C8orf34: variants seen among roughly 807,000 people sequenced by gnomAD.
C8orf34 encodes the protein chromosome 8 open reading frame 34.
In C8orf34, 65 loss-of-function variants were observed where a neutral mutation model predicts 68.3. The ratio of observed to expected loss-of-function variants is 0.95; its 90% CI spans 0.78 to 1.17. The LOEUF (loss-of-function observed/expected upper bound fraction) is 1.17. Ranked by LOEUF, C8orf34 falls within the 50% of genes most tolerant of loss-of-function variation. The pLI is 0.00. For synonymous variants in C8orf34, 244 were observed against 241.2 expected (o/e 1.01, Z -0.11); for missense variants, 664 against 655.4 (o/e 1.01, Z -0.14).
At chr8:68,808,161 T>A (rs2953961) in intron 12 of C8orf34, among the ~76,000 whole-genome samples, 436 of 152,356 alleles carry the variant, frequency 2.9e-3, no homozygotes, top group Non-Finnish European at 5.0e-3. Flanking sequence ...ACTGCTTTGA[T>A]AGATGTTTGG....
At chr8:68,364,767 G>C (rs1410651106) in intron 1 of C8orf34, among the ~76,000 whole-genome samples, 1 of 145,246 alleles carries the variant, frequency 6.9e-6, no homozygotes, top group African/African-American at 2.5e-5. Context: ...GAAATTTATA[G>C]CACTAAATGC....
intron 12 of C8orf34, among the ~76,000 whole-genome samples, chr8:68,794,562 T>C (rs971158315): frequency 6.3e-5 from 9 of 143,056 alleles, no homozygotes; most frequent in African/African-American, 1.9e-4. Context: ...TGGACTGCAG[T>C]GGCACAATCA....
rs922172722 is a variant in C8orf34, at chr8:68,727,555, C to T, written c.1404+6118C>T. Among the ~76,000 whole-genome samples the T allele has an allele frequency of 8.5e-5, 13 of 152,358 alleles. No homozygotes were observed. The East Asian group carries it at 2.5e-3, about 29-fold the overall frequency. The stretch of plus-strand genomic sequence containing the variant: ...GCTCCACCCCTACATTTCCCTTCTG[C>T]ACTGCCCTAGCAGAGGTTCTCCATA... On this transcript the variant is annotated intron_variant, in intron 10 of 13. Coordinates refer to ENST00000518698, the MANE Select transcript of C8orf34 (RefSeq NM_052958.4).
intron 8 of C8orf34, among the ~76,000 whole-genome samples, chr8:68,654,617 T>C (rs778655164): frequency 6.6e-6 from 1 of 152,192 alleles, no homozygotes; most frequent in Non-Finnish European, 1.5e-5. Flanking sequence ...TCAAATATAT[T>C]GATTTACATA....
At chr8:68,637,954 G>A (rs1818894411) in intron 7 of C8orf34, among the ~76,000 whole-genome samples, 1 of 152,146 alleles carries the variant, frequency 6.6e-6, no homozygotes, top group African/African-American at 2.4e-5. Context: ...AAGTGATTAT[G>A]CTCTGATCCG....
chr8:68,453,623 T>G (rs888037349), intron 3 of C8orf34, among the ~76,000 whole-genome samples: 4 of 152,028 alleles, frequency 2.6e-5, no homozygotes, highest in African/African-American at 9.7e-5. Flanking sequence ...TTGATTTTAT[T>G]TCCCAAAATT....
At chr8:68,606,867 T>C (rs547731580) in intron 7 of C8orf34, among the ~76,000 whole-genome samples, 24 of 152,246 alleles carry the variant, frequency 1.6e-4, no homozygotes, top group Middle Eastern at 3.4e-3. Flanking sequence ...GGTTGGATTT[T>C]CCTTGTTTAT....
intron 12 of C8orf34, among the ~76,000 whole-genome samples, chr8:68,803,316 G>A (rs998476739): frequency 2.0e-5 from 3 of 151,942 alleles, no homozygotes; most frequent in Non-Finnish European, 4.4e-5. Flanking sequence ...CTACTACATT[G>A]AGTTTATTGC....
chr8:68,741,063 C>T (rs754172538), intron 10 of C8orf34, among the ~76,000 whole-genome samples: 2 of 151,982 alleles, frequency 1.3e-5, no homozygotes, highest in East Asian at 3.9e-4. Context: ...GGGAACAACA[C>T]TCACTGGGAC....
At chr8:68,665,034 T>C (rs1223352349) in intron 8 of C8orf34, among the ~76,000 whole-genome samples, 3 of 152,196 alleles carry the variant, frequency 2.0e-5, no homozygotes. Context: ...AGAAACAGGT[T>C]ATGTTGCAAA....
intron 4 of C8orf34, among the ~76,000 whole-genome samples, chr8:68,483,900 A>G (rs1812966244): frequency 6.6e-6 from 1 of 152,206 alleles, no homozygotes. Flanking sequence ...CTTCACTTCC[A>G]GGCAGCTCAC....
In C8orf34 at chr8:68,440,954, G is replaced by A. The variant is rs578173790; in HGVS notation, c.475+1308G>A. ...CGAGTAGCTGGAACTACAGGCACCC[G>A]CCACCATACCCAGCTAGTTTTTTGT... On this transcript the variant is annotated intron_variant, in intron 2 of 13. Coordinates refer to ENST00000518698, the MANE Select transcript of C8orf34 (RefSeq NM_052958.4). Among the ~76,000 whole-genome samples the A allele has an allele frequency of 4.5e-4, 68 of 151,996 alleles. 1 individual carries two copies. Among genetic ancestry groups the A allele is most frequent in the Non-Finnish European group, 2.2e-4 (15 of 67,974 alleles).
chr8:68,418,697 C>T (rs1237320284), intron 1 of C8orf34, among the ~76,000 whole-genome samples: 1 of 152,116 alleles, frequency 6.6e-6, no homozygotes, highest in Middle Eastern at 3.2e-3. Context: ...ACTATCTGAT[C>T]TTTGACAAAC....
chr8:68,543,929 TAAAC>T (rs1815784336), intron 7 of C8orf34, among the ~76,000 whole-genome samples: 2 of 152,096 alleles, frequency 1.3e-5, no homozygotes, highest in East Asian at 1.9e-4. Context: ...AGTAGGGAAA[TAAAC>T]AAGGTGAGCT....
rs576424954 is a variant in C8orf34 at position 68,433,431 on chromosome 8, A to G, written c.328-6068A>G. ...ATTGATTTAACAAAAAAGGCCATGT[A>G]GTAAAAACTTCCTGGGAATTTGGAA... On this transcript the variant is annotated intron_variant, in intron 1 of 13. Transcript: ENST00000518698. Among the ~76,000 whole-genome samples the G allele has an allele frequency of 1.6e-4, 25 of 152,344 alleles. No individual in the cohort carries two copies. In the South Asian group the frequency reaches 5.2e-3, roughly 32 times the overall value.
chr8:68,432,919 T>A (rs961232025), intron 1 of C8orf34, among the ~76,000 whole-genome samples: 1 of 151,954 alleles, frequency 6.6e-6, no homozygotes, highest in Non-Finnish European at 1.5e-5. Flanking sequence ...TCAAAAAAAA[T>A]AGAATGAGAG....
rs139074035 is a variant in C8orf34 at position 68,727,993 on chromosome 8, C to A, written c.1404+6556C>A. ...TTCTGCAGCCAACTTGAATTTCTCCCCAGAAAATGGGTTTTTATTTTCTAT... is the reference window on the plus strand; with the variant it reads ...TTCTGCAGCCAACTTGAATTTCTCCACAGAAAATGGGTTTTTATTTTCTAT... On this transcript the variant is annotated intron_variant, in intron 10 of 13. Coordinates refer to ENST00000518698, the MANE Select transcript of C8orf34 (RefSeq NM_052958.4). Among the ~76,000 whole-genome samples the A allele has an allele frequency of 5.5e-3, 843 of 152,306 alleles. 7 individuals carry two copies. The highest frequency in any genetic ancestry group is 0.02 in the African/African-American group (817 of 41,568).
intron 10 of C8orf34, among the ~76,000 whole-genome samples, chr8:68,760,099 T>G (rs572731097): frequency 2.6e-5 from 4 of 152,224 alleles, no homozygotes; most frequent in African/African-American, 7.2e-5. Flanking sequence ...CCTGGAGAAG[T>G]TGGCCTGTGG....
In C8orf34 at chr8:68,460,569, T is replaced by C. The variant is rs556882236; in HGVS notation, c.608-8123T>C. On this transcript the variant is annotated intron_variant, in intron 3 of 13. Coordinates refer to ENST00000518698, the MANE Select transcript of C8orf34 (RefSeq NM_052958.4). ...AGTAGCGGCAGACTGACACCTCACA[T>C]GGCCAGGTACCCCTCTGAGACAAAA... Among the ~76,000 whole-genome samples, 326 of 152,234 alleles carry C rather than the reference T, an allele frequency of 2.1e-3. 1 individual carries two copies. The highest frequency in any genetic ancestry group is 7.1e-3 in the African/African-American group (293 of 41,542).
Sources: gnomAD v4.1 joint callset for allele counts (sites outside exome capture counted in the v4.1 genomes callset) on GRCh38, gnomAD v4.1.1 for gene constraint, MANE v1.5 for transcripts, NCBI Gene and HGNC (gene_info 2026-07-23, HGNC 2026-07-21) for gene names.